The following C12orf50 variants were observed in gnomAD, a reference collection of about 807,000 sequenced individuals.
C12orf50 encodes the protein zinc finger CCCH-type containing 11D.
In C12orf50, 35 loss-of-function variants were observed where a neutral mutation model predicts 61.6. The ratio of observed to expected loss-of-function variants is 0.57; its 90% CI spans 0.43 to 0.75. The LOEUF (loss-of-function observed/expected upper bound fraction) is 0.75, where lower values mean the gene tolerates loss of function less well. C12orf50 is among the 30% of genes least tolerant of loss of function. The probability of loss-of-function intolerance (pLI) is 0.00; values close to 1 mark genes in which losing one functional copy is unlikely to be tolerated. For synonymous variants in C12orf50, 178 were observed against 161.5 expected (o/e 1.10, Z -0.77); for missense variants, 475 against 488.5 (o/e 0.97, Z 0.26).
At chr12:87,985,705 A>T in intron 11 of C12orf50, 145 bp downstream of exon 11, 1 of 762,238 alleles carries the variant, frequency 1.3e-6, no homozygotes, top group Non-Finnish European at 2.2e-6. Flanking sequence ...ACATGGAAGA[A>T]ATCCTCTCAC....
chr12:87,988,626 A>G (rs1236807754), intron 8 of C12orf50, among the ~76,000 whole-genome samples: 2 of 152,188 alleles, frequency 1.3e-5, no homozygotes, highest in Non-Finnish European at 2.9e-5. Context: ...ACAATTTTCC[A>G]CGAAAATGAT....
chr12:88,014,297 A>G (rs1035108673), intron 3 of C12orf50, among the ~76,000 whole-genome samples: 2 of 150,854 alleles, frequency 1.3e-5, no homozygotes, highest in Admixed American at 6.6e-5. Context: ...TTTAATTTTT[A>G]TTTATTATTT....
intron 3 of C12orf50, among the ~76,000 whole-genome samples, chr12:87,999,297 C>T (rs2031552921): frequency 6.6e-6 from 1 of 152,058 alleles, no homozygotes; most frequent in East Asian, 1.9e-4. Context: ...TGATGGCGCA[C>T]ACCTGTAGTC....
At chr12:88,020,045 A>G (rs2032458127) in intron 3 of C12orf50, among the ~76,000 whole-genome samples, 1 of 152,244 alleles carries the variant, frequency 6.6e-6, no homozygotes, top group East Asian at 1.9e-4. Context: ...AAGATACACT[A>G]AATACGGAAA....
chr12:87,982,376 A>T lies in C12orf50; in HGVS notation c.1219+727T>A, dbSNP rs76816718. Among the ~76,000 whole-genome samples the T allele has an allele frequency of 6.3e-3, 957 of 152,294 alleles. 4 individuals are homozygous for T. The highest frequency in any genetic ancestry group is 0.048 in the Middle Eastern group (14 of 294). ...AGTTATCCCCAGTATATAAACATATAACACATATCTGTGCCTTGAGTCACA... is the reference window on the plus strand; with the variant it reads ...AGTTATCCCCAGTATATAAACATATTACACATATCTGTGCCTTGAGTCACA... On this transcript the variant is annotated intron_variant, in intron 12 of 12. Coordinates refer to ENST00000298699, the MANE Select transcript of C12orf50 (RefSeq NM_152589.3).
intron 4 of C12orf50, among the ~76,000 whole-genome samples, chr12:87,997,520 G>C (rs77470965): frequency 6.6e-6 from 1 of 151,948 alleles, no homozygotes; most frequent in Admixed American, 6.6e-5. Flanking sequence ...CCATCAACCC[G>C]TCATCTACAT....
rs1400487709 is a variant in C12orf50 at position 88,027,070 on chromosome 12, C to G, written c.-108G>C. 2 of 1,602,130 alleles carry G rather than the reference C, an allele frequency of 1.2e-6. No individual in the cohort carries two copies. The highest frequency in any genetic ancestry group is 1.7e-6 in the Non-Finnish European group (2 of 1,176,454). ...CAGTGTCGGAATCGGCACTGGGAACCCTAAAAGAAAAAGTAAACAGTGTAG... is the reference window on the plus strand; with the variant it reads ...CAGTGTCGGAATCGGCACTGGGAACGCTAAAAGAAAAAGTAAACAGTGTAG... On this transcript the variant is annotated splice_region_variant and 5_prime_UTR_variant, in exon 2 of 13. Transcript: ENST00000298699.
intron 4 of C12orf50, among the ~76,000 whole-genome samples, chr12:87,997,796 T>C (rs1186127095): frequency 6.6e-6 from 1 of 152,198 alleles, no homozygotes; most frequent in Non-Finnish European, 1.5e-5. Flanking sequence ...CACCTAAATA[T>C]ACTTAAGCAT....
At chr12:87,993,196 C>A (rs566103076) in intron 7 of C12orf50, among the ~76,000 whole-genome samples, 2 of 152,080 alleles carry the variant, frequency 1.3e-5, no homozygotes, top group South Asian at 4.2e-4. Flanking sequence ...TTTCTAACTC[C>A]CAACAAAGTA....
At chr12:87,991,904 G>A (rs1452688808) in intron 7 of C12orf50, among the ~76,000 whole-genome samples, 1 of 152,114 alleles carries the variant, frequency 6.6e-6, no homozygotes, top group African/African-American at 2.4e-5. Flanking sequence ...TTGTTTTTAT[G>A]TTTGTTTGTT....
chr12:87,991,717 G>C (rs1350214930), intron 7 of C12orf50, among the ~76,000 whole-genome samples: 1 of 152,104 alleles, frequency 6.6e-6, no homozygotes, highest in Non-Finnish European at 1.5e-5. Context: ...CACCAGAAAG[G>C]CTAAAGTTAA....
chr12:88,027,083 G>C lies in C12orf50; in HGVS notation c.-108-13C>G. ...GGCACTGGGAACCCTAAAAGAAAAAGTAAACAGTGTAGAAAGCTCAATATG... is the reference window on the plus strand; with the variant it reads ...GGCACTGGGAACCCTAAAAGAAAAACTAAACAGTGTAGAAAGCTCAATATG... On this transcript the variant is annotated splice_polypyrimidine_tract_variant and intron_variant, in intron 1 of 12. Coordinates refer to ENST00000298699, the MANE Select transcript of C12orf50 (RefSeq NM_152589.3). 6.3e-7 allele frequency: 1 copy of C among 1,594,144 alleles called. No individual in the cohort carries two copies. Among genetic ancestry groups the C allele is most frequent in the Non-Finnish European group, 8.5e-7 (1 of 1,173,366 alleles).
At chr12:87,998,342 C>T (rs1342932135) in intron 3 of C12orf50, 152 bp from the exon 4 acceptor site, 1 of 511,248 alleles carries the variant, frequency 2.0e-6, no homozygotes, top group Non-Finnish European at 3.1e-6. Flanking sequence ...TACACACTAG[C>T]AATGATTAAA....
chr12:88,019,801 T>C (rs960027775), intron 3 of C12orf50, among the ~76,000 whole-genome samples: 22 of 152,122 alleles, frequency 1.4e-4, no homozygotes, highest in African/African-American at 5.3e-4. Context: ...AAGGGTAGGT[T>C]ACCTACAAAG....
At chr12:87,997,720 T>C (rs2031472931) in intron 4 of C12orf50, among the ~76,000 whole-genome samples, 1 of 152,184 alleles carries the variant, frequency 6.6e-6, no homozygotes, top group African/African-American at 2.4e-5. Context: ...GCTTCATCCA[T>C]GTCCCTGCAA....
intron 1 of C12orf50, chr12:88,027,760 G>A (rs1007987513): frequency 5.9e-5 from 9 of 152,094 alleles, no homozygotes; most frequent in African/African-American, 1.7e-4. Context: ...AAATGTAAAT[G>A]CACATTTGGT....
chr12:88,026,456 G>A (rs1472716181), intron 3 of C12orf50, 32 bp downstream of exon 3: 8 of 1,603,230 alleles, frequency 5.0e-6, no homozygotes. Context: ...TTAGAATATG[G>A]TAAGTCTATG....
At chr12:87,989,171 A>T in intron 8 of C12orf50, 93 bp downstream of exon 8, 3 of 837,908 alleles carry the variant, frequency 3.6e-6, no homozygotes. Context: ...TTGATTTATT[A>T]CCATTCCTCT....
chr12:88,000,050 T>G (rs1053724291), intron 3 of C12orf50, among the ~76,000 whole-genome samples: 2 of 152,096 alleles, frequency 1.3e-5, no homozygotes, highest in African/African-American at 4.8e-5. Context: ...GAGTAACTGT[T>G]AATGAATGTG....
Sources: gnomAD v4.1 joint callset for allele counts (sites outside exome capture counted in the v4.1 genomes callset) on GRCh38, gnomAD v4.1.1 for gene constraint, MANE v1.5 for transcripts, NCBI Gene and HGNC (gene_info 2026-07-23, HGNC 2026-07-21) for gene names.